LHFPL3: variants seen among roughly 807,000 people sequenced by gnomAD.
LHFPL3 encodes LHFPL tetraspan subfamily member 3 protein.
A neutral mutation model predicts 19.3 loss-of-function variants in LHFPL3; 5 were observed. That is an observed-to-expected ratio of 0.26 (90% confidence interval 0.14 to 0.54). The LOEUF is 0.54. LHFPL3 is among the 20% of genes least tolerant of loss of function. The pLI is 0.94. For synonymous variants in LHFPL3, 133 were observed against 126.2 expected, an observed-to-expected ratio of 1.05 and a Z score of -0.36; for missense variants, 249 against 307.4, an observed-to-expected ratio of 0.81 and a Z score of 1.42.
At chr7:104,404,701 T>A (rs1337628779) in intron 1 of LHFPL3, among the ~76,000 whole-genome samples, 1 of 152,206 alleles carries the variant, frequency 6.6e-6, no homozygotes, top group African/African-American at 2.4e-5. Context: ...GGAGGTAGAA[T>A]AACTGAGTTC....
intron 1 of LHFPL3, among the ~76,000 whole-genome samples, chr7:104,594,605 TCTC>T (rs1790801121): frequency 2.0e-5 from 3 of 152,142 alleles, no homozygotes; most frequent in Non-Finnish European, 4.4e-5. Flanking sequence ...TTGGGGAAGT[TCTC>T]CTAGATAATA....
intron 1 of LHFPL3, among the ~76,000 whole-genome samples, chr7:104,600,112 T>C (rs1790935072): frequency 6.6e-6 from 1 of 152,202 alleles, no homozygotes; most frequent in Non-Finnish European, 1.5e-5. Context: ...ATTTTTATTT[T>C]GTGTTAAACC....
intron 1 of LHFPL3, among the ~76,000 whole-genome samples, chr7:104,556,303 C>A (rs79430601): frequency 8.5e-5 from 13 of 152,098 alleles, no homozygotes; most frequent in Non-Finnish European, 1.8e-4. Context: ...GGGTCCCCCC[C>A]CTGCAGCAAA....
chr7:104,737,275 T>C (rs1223590342), intron 2 of LHFPL3, among the ~76,000 whole-genome samples: 1 of 152,154 alleles, frequency 6.6e-6, no homozygotes, highest in Non-Finnish European at 1.5e-5. Context: ...TTTCTCTCCA[T>C]GTATTCAGCT....
At chr7:104,512,139 G>C (rs1472594160) in intron 1 of LHFPL3, among the ~76,000 whole-genome samples, 1 of 151,630 alleles carries the variant, frequency 6.6e-6, no homozygotes, top group African/African-American at 2.4e-5. Context: ...ATTTTTACTA[G>C]AGACAGGGTT....
intron 1 of LHFPL3, among the ~76,000 whole-genome samples, chr7:104,462,081 T>A (rs1275081434): frequency 6.6e-6 from 1 of 152,230 alleles, no homozygotes; most frequent in East Asian, 1.9e-4. Flanking sequence ...CTGAATTTTG[T>A]ACATCGATTG....
chr7:104,570,812 ATCTTT>A (rs1380326105), intron 1 of LHFPL3, among the ~76,000 whole-genome samples: 1 of 152,162 alleles, frequency 6.6e-6, no homozygotes, highest in Non-Finnish European at 1.5e-5. Context: ...CCCAACAGTT[ATCTTT>A]TCTGCTCTTC....
intron 2 of LHFPL3, 99 bp downstream of exon 2, chr7:104,737,010 T>A (rs1420749792): frequency 2.3e-6 from 2 of 879,218 alleles, no homozygotes; most frequent in Non-Finnish European, 3.6e-6. Flanking sequence ...CCCCTGAGGT[T>A]CTAATTTGCT....
At chr7:104,400,258 T>C (rs1257271162) in intron 1 of LHFPL3, among the ~76,000 whole-genome samples, 1 of 151,878 alleles carries the variant, frequency 6.6e-6, no homozygotes, top group East Asian at 1.9e-4. Flanking sequence ...GAATGCATTC[T>C]CTTTTATGAT....
chr7:104,715,845 A>AC (rs1289655393), intron 1 of LHFPL3, among the ~76,000 whole-genome samples: 8 of 152,186 alleles, frequency 5.3e-5, no homozygotes, highest in Admixed American at 6.5e-5. Flanking sequence ...ATGTCAGCCT[A>AC]CAGTTTTCTT....
At chr7:104,640,874 A>C (rs534571283) in intron 1 of LHFPL3, among the ~76,000 whole-genome samples, 10 of 152,244 alleles carry the variant, frequency 6.6e-5, no homozygotes, top group Non-Finnish European at 1.2e-4. Context: ...TTAACTCTCA[A>C]TTAATCTATT....
In LHFPL3 at chr7:104,626,410, T is replaced by C. The variant is rs530368533; in HGVS notation, c.446-110265T>C. Among the ~76,000 whole-genome samples the C allele has an allele frequency of 1.4e-3, 219 of 152,370 alleles. 3 individuals are homozygous for C. Among genetic ancestry groups the C allele is most frequent in the African/African-American group, 5.1e-3 (211 of 41,604 alleles). The stretch of plus-strand genomic sequence containing the variant: ...AAACCAAATTCCTCTGGTTTGCATT[T>C]AAGCACTTTAGCATAATTACCTCCA... On this transcript the variant is annotated intron_variant, in intron 1 of 2. Transcript: ENST00000424859.
intron 2 of LHFPL3, among the ~76,000 whole-genome samples, chr7:104,857,822 G>T (rs1791538341): frequency 6.6e-6 from 1 of 152,090 alleles, no homozygotes; most frequent in African/African-American, 2.4e-5. Context: ...TGGCACCCTC[G>T]GTGTAATTCC....
At chr7:104,625,853 C>T (rs1406356530) in intron 1 of LHFPL3, among the ~76,000 whole-genome samples, 3 of 152,104 alleles carry the variant, frequency 2.0e-5, no homozygotes, top group African/African-American at 4.8e-5. Flanking sequence ...GAAGGATTAC[C>T]CACACAAAGA....
chr7:104,430,453 T>TAC (rs1791977237), intron 1 of LHFPL3, among the ~76,000 whole-genome samples: 3 of 22,626 alleles, frequency 1.3e-4, no homozygotes, highest in Non-Finnish European at 2.1e-4. Context: ...TATATATATA[T>TAC]ATTTTTTTTT....
chr7:104,841,715 A>G (rs1791214097), intron 2 of LHFPL3, among the ~76,000 whole-genome samples: 1 of 152,140 alleles, frequency 6.6e-6, no homozygotes, highest in Middle Eastern at 3.2e-3. Flanking sequence ...TAGCTATGAT[A>G]TAAAACTGGA....
chr7:104,421,364 T>C (rs1791729517), intron 1 of LHFPL3, among the ~76,000 whole-genome samples: 1 of 152,124 alleles, frequency 6.6e-6, no homozygotes, highest in South Asian at 2.1e-4. Context: ...TGAGAGGCAT[T>C]GTGGCAGGAC....
intron 1 of LHFPL3, among the ~76,000 whole-genome samples, chr7:104,571,420 A>G (rs1790228493): frequency 6.6e-6 from 1 of 152,124 alleles, no homozygotes; most frequent in South Asian, 2.1e-4. Flanking sequence ...GTGTTTCAGC[A>G]TAAATCACAG....
chr7:104,833,012 ATT>A (rs199971551), intron 2 of LHFPL3, among the ~76,000 whole-genome samples: 2 of 105,330 alleles, frequency 1.9e-5, no homozygotes, highest in Non-Finnish European at 3.5e-5. Flanking sequence ...ATATATATAT[ATT>A]ATATATAATA....
Sources: allele counts gnomAD v4.1 joint callset (sites outside exome capture counted in the v4.1 genomes callset), GRCh38; gene constraint gnomAD v4.1.1; transcripts MANE v1.5; gene names NCBI Gene and HGNC (gene_info 2026-07-23, HGNC 2026-07-21).